RIMS1: variants seen among roughly 807,000 people sequenced by gnomAD.
RIMS1 encodes the protein regulating synaptic membrane exocytosis protein 1.
A neutral mutation model predicts 214.1 loss-of-function variants in RIMS1; 83 were observed. The observed-to-expected ratio is 0.39, with a 90% CI of 0.32 to 0.47. The LOEUF (loss-of-function observed/expected upper bound fraction) is 0.47. Among genes scored for constraint, RIMS1 ranks in the 20% least tolerant of loss-of-function variants. The probability of loss-of-function intolerance (pLI) is 0.99; values close to 1 mark genes in which losing one functional copy is unlikely to be tolerated. For synonymous variants in RIMS1, 793 were observed against 786.8 expected (o/e 1.01, Z -0.13); for missense variants, 2,050 against 2,161.8 (o/e 0.95, Z 1.03).
intron 4 of RIMS1, among the ~76,000 whole-genome samples, chr6:72,119,813 C>A (rs9717287): frequency 0.2 from 30,411 of 151,520 alleles, 4,009 homozygotes; most frequent in Non-Finnish European, 0.25. Context: ...CTCCCCCAAC[C>A]CCACAACAGG....
intron 4 of RIMS1, among the ~76,000 whole-genome samples, chr6:72,122,314 C>T (rs1033583986): frequency 2.2e-4 from 33 of 150,658 alleles, no homozygotes; most frequent in African/African-American, 7.8e-4. Context: ...ATGCCATTCT[C>T]CTGCCTCAGC....
At chr6:72,364,276 G>A (rs768054082) in intron 29 of RIMS1, among the ~76,000 whole-genome samples, 17 of 151,980 alleles carry the variant, frequency 1.1e-4, no homozygotes, top group African/African-American at 2.7e-4. Flanking sequence ...ACATTATAAC[G>A]AGGAAATGTA....
intron 1 of RIMS1, among the ~76,000 whole-genome samples, chr6:71,902,131 A>G (rs1773831325): frequency 6.6e-6 from 1 of 152,060 alleles, no homozygotes; most frequent in African/African-American, 2.4e-5. Flanking sequence ...ACAGTGGAGG[A>G]GGTGGTTTGA....
intron 4 of RIMS1, among the ~76,000 whole-genome samples, chr6:72,167,228 CAT>C (rs1368274448): frequency 1.5e-4 from 22 of 151,502 alleles, no homozygotes; most frequent in African/African-American, 5.1e-4. Context: ...GTTTATTTTG[CAT>C]ATATATGTGT....
At chr6:72,000,006 G>C (rs1804646754) in intron 2 of RIMS1, among the ~76,000 whole-genome samples, 1 of 151,788 alleles carries the variant, frequency 6.6e-6, no homozygotes, top group African/African-American at 2.4e-5. Flanking sequence ...ATATTAATCT[G>C]TTGTTCATAT....
chr6:71,931,933 C>T (rs1783164585), intron 1 of RIMS1, among the ~76,000 whole-genome samples: 3 of 152,052 alleles, frequency 2.0e-5, no homozygotes, highest in Non-Finnish European at 4.4e-5. Flanking sequence ...GAGATACCAT[C>T]TTACACCAGT....
chr6:72,335,643 G>A (rs1442701357), intron 29 of RIMS1, among the ~76,000 whole-genome samples: 8 of 151,878 alleles, frequency 5.3e-5, no homozygotes, highest in African/African-American at 1.7e-4. Flanking sequence ...TTGAGGAATC[G>A]CCACACTGTC....
intron 9 of RIMS1, among the ~76,000 whole-genome samples, chr6:72,240,920 G>A (rs1010562239): frequency 6.6e-6 from 1 of 152,082 alleles, no homozygotes; most frequent in African/African-American, 2.4e-5. Flanking sequence ...GGAGGCTGAG[G>A]CAGGAGGATC....
chr6:72,331,027 T>C (rs1428649076), intron 28 of RIMS1, among the ~76,000 whole-genome samples: 2 of 151,748 alleles, frequency 1.3e-5, no homozygotes, highest in African/African-American at 2.4e-5. Context: ...ACACTTGTTA[T>C]ACATATTTTT....
At chr6:72,192,187 C>G (rs1164258312) in intron 6 of RIMS1, among the ~76,000 whole-genome samples, 1 of 152,208 alleles carries the variant, frequency 6.6e-6, no homozygotes. Context: ...CATTAATTAC[C>G]TGACCTCCAT....
intron 2 of RIMS1, among the ~76,000 whole-genome samples, chr6:72,086,428 T>A (rs1834672093): frequency 6.6e-6 from 1 of 152,206 alleles, no homozygotes; most frequent in South Asian, 2.1e-4. Context: ...AAAAATACAC[T>A]GCTGTAAAAG....
chr6:72,343,144 A>C (rs1220353029), intron 29 of RIMS1, among the ~76,000 whole-genome samples: 1 of 151,826 alleles, frequency 6.6e-6, no homozygotes, highest in Non-Finnish European at 1.5e-5. Context: ...TCTGGTTCAC[A>C]TTAGCTATTC....
chr6:72,071,055 C>T (rs1244413559), intron 2 of RIMS1, among the ~76,000 whole-genome samples: 2 of 152,098 alleles, frequency 1.3e-5, no homozygotes, highest in African/African-American at 4.8e-5. Flanking sequence ...AAAAGTTTGC[C>T]TATGGTGATG....
At chr6:72,213,941 A>G (rs1288296576) in intron 6 of RIMS1, among the ~76,000 whole-genome samples, 3 of 152,234 alleles carry the variant, frequency 2.0e-5, no homozygotes, top group Non-Finnish European at 4.4e-5. Flanking sequence ...AAGGATATAT[A>G]TAGCTCAAGA....
chr6:71,905,850 T>C (rs1468291284), intron 1 of RIMS1, among the ~76,000 whole-genome samples: 1 of 152,140 alleles, frequency 6.6e-6, no homozygotes, highest in Non-Finnish European at 1.5e-5. Context: ...CTATCTGTTT[T>C]GTATTTTGTG....
At chr6:72,255,309 A>G (rs974256835) in intron 16 of RIMS1, among the ~76,000 whole-genome samples, 4 of 152,214 alleles carry the variant, frequency 2.6e-5, no homozygotes, top group African/African-American at 9.6e-5. Context: ...AAATTTGTTT[A>G]GATATGGAAG....
intron 4 of RIMS1, among the ~76,000 whole-genome samples, chr6:72,100,190 T>C (rs369731567): frequency 1.2e-4 from 19 of 152,200 alleles, no homozygotes; most frequent in African/African-American, 3.6e-4. Context: ...CTGGATAGTT[T>C]GAGTTCATGA....
At chr6:72,340,393 T>C (rs2097022489) in intron 29 of RIMS1, among the ~76,000 whole-genome samples, 2 of 151,708 alleles carry the variant, frequency 1.3e-5, no homozygotes, top group African/African-American at 4.9e-5. Flanking sequence ...GCCTAGGTTT[T>C]CTTCTAGGGT....
intron 13 of RIMS1, among the ~76,000 whole-genome samples, chr6:72,250,719 C>T (rs1252497322): frequency 6.6e-6 from 1 of 151,932 alleles, no homozygotes; most frequent in Non-Finnish European, 1.5e-5. Context: ...TTAGAATGTA[C>T]CTTTGTATGT....
Sources: allele counts gnomAD v4.1 joint callset (sites outside exome capture counted in the v4.1 genomes callset), GRCh38; gene constraint gnomAD v4.1.1; transcripts MANE v1.5; gene names NCBI Gene and HGNC (gene_info 2026-07-23, HGNC 2026-07-21).